TSC1: variants seen among roughly 807,000 people sequenced by gnomAD.
TSC1 encodes TSC complex subunit 1.
In TSC1, 20 loss-of-function variants were observed where a neutral mutation model predicts 124.3. The observed-to-expected ratio is 0.16, with a 90% CI of 0.11 to 0.23. The LOEUF (loss-of-function observed/expected upper bound fraction) is 0.23. TSC1 is among the 10% of genes least tolerant of loss of function. The pLI, the probability that TSC1 is intolerant of heterozygous loss-of-function variation, is 1.00. For synonymous variants in TSC1, 493 were observed against 539.1 expected (o/e 0.91, Z 1.19); for missense variants, 1,124 against 1,448.5 (o/e 0.78, Z 3.64).
chr9:132,935,139 G>A, intron 1 of TSC1, 44 bp from the exon 2 acceptor site: 1 of 398,880 alleles, frequency 2.5e-6, no homozygotes, highest in Non-Finnish European at 4.4e-6. Flanking sequence ...AATCCCAGAT[G>A]TAATCAAAAG....
At chr9:132,908,646 G>T (rs1845789475) in intron 12 of TSC1, among the ~76,000 whole-genome samples, 2 of 149,096 alleles carry the variant, frequency 1.3e-5, no homozygotes, top group South Asian at 4.3e-4. Context: ...ATGGGGTTTT[G>T]CATGTTGCCC....
rs147614350 is a variant in TSC1 at position 132,909,473 on chromosome 9, T to C, written c.1263+1098A>G. Among the ~76,000 whole-genome samples the C allele has an allele frequency of 7.3e-3, 1,115 of 152,360 alleles. 4 individuals are homozygous for C. The highest frequency in any genetic ancestry group is 0.027 in the Middle Eastern group (8 of 294). ...CCACCTGAGAGTTGACTTTTATTGT[T>C]GGCAACAAATACTGTCAGTTGTTTA... On this transcript the variant is annotated intron_variant, in intron 12 of 22. Coordinates refer to ENST00000298552, the MANE Select transcript of TSC1 (RefSeq NM_000368.5).
intron 9 of TSC1, 57 bp from the exon 10 acceptor site, chr9:132,911,625 TAAA>T (rs11364856): frequency 0.044 from 7,213 of 165,292 alleles, 2 homozygotes; most frequent in South Asian, 0.071. Context: ...TTATTCTGGT[TAAA>T]AAAAAAAAAA....
At chr9:132,913,145 T>A (rs1450819202) in intron 8 of TSC1, among the ~76,000 whole-genome samples, 1 of 152,174 alleles carries the variant, frequency 6.6e-6, no homozygotes, top group African/African-American at 2.4e-5. Flanking sequence ...TTGCTCATGC[T>A]GGTCTCGAAC....
chr9:132,899,812 T>C (rs1446337512), intron 20 of TSC1: 2 of 152,232 alleles, frequency 1.3e-5, no homozygotes, highest in Non-Finnish European at 2.9e-5. Flanking sequence ...TCTCAGGAGA[T>C]GGCCCAGGCA....
intron 12 of TSC1, 54 bp downstream of exon 12, chr9:132,910,517 T>C (rs1564487061): frequency 6.2e-7 from 1 of 1,613,552 alleles, no homozygotes. Context: ...AAGTGAGGCT[T>C]GCAAGTGAGT....
At chr9:132,931,230 T>C (rs1394539277) in intron 2 of TSC1, 1 of 152,222 alleles carries the variant, frequency 6.6e-6, no homozygotes, top group Non-Finnish European at 1.5e-5. Flanking sequence ...CTAGGGAGAC[T>C]CTGAGTTTGC....
Position 132,902,975 on chromosome 9 carries a change from A to C in TSC1, c.2209-188T>G, listed in dbSNP as rs892749318. On this transcript the variant is annotated intron_variant, in intron 17 of 22. Transcript: ENST00000298552. This position sits in a 1 kb window ranked among gnomAD's most constrained non-coding sequence, Gnocchi z 5.2. ...TCAAGGTTTTCCAAATTTTACATTA[A>C]GCAAATGGATCTTAAGTTGCTTAAA... 6.6e-6 allele frequency among the ~76,000 whole-genome samples: 1 copy of C among 152,228 alleles called. No homozygotes were observed. Among genetic ancestry groups the C allele is most frequent in the African/African-American group, 2.4e-5 (1 of 41,458 alleles).
rs1844890611 is a variant in TSC1 at position 132,893,804 on chromosome 9, C to T, written c.*2431G>A. On this transcript the variant is annotated 3_prime_UTR_variant, in exon 23 of 23. Transcript: ENST00000298552. ...ATTGTACTAATACCTTTGCCCAGGA[C>T]TGAATTGCCTCTCGAGAGTAATACT... 8.6e-6 allele frequency: 2 copies of T among 233,198 alleles called. No individual in the cohort carries two copies. The highest frequency in any genetic ancestry group is 2.2e-5 in the African/African-American group (1 of 45,346). 14.4% of individuals were successfully genotyped at this position (233,198 alleles called of 1,614,324 possible).
rs2132006240 is a variant in TSC1 at position 132,912,441 on chromosome 9, T to C, written c.754A>G (p.Thr252Ala). Residue 252 changes from threonine (T) to alanine (A), a missense_variant, in exon 9 of 23, where the codon ACT (threonine) becomes GCT (alanine). By Grantham distance (58) the Thr-to-Ala change is moderately conservative. Coordinates refer to ENST00000298552, the MANE Select transcript of TSC1 (RefSeq NM_000368.5). ...LDPRRWKRLE[T>A]HDVVIECAKI... Reference sequence around the variant, plus strand: ...GCACACTCGATCACAACATCATGAGTTTCTAATCTCTTCCACCTGTAAAAT... The same window carrying C: ...GCACACTCGATCACAACATCATGAGCTTCTAATCTCTTCCACCTGTAAAAT... The C allele has an allele frequency of 6.2e-7, 1 of 1,613,748 alleles. No individual in the cohort carries two copies. Among genetic ancestry groups the C allele is most frequent in the South Asian group, 1.1e-5 (1 of 91,070 alleles).
intron 1 of TSC1, chr9:132,943,810 C>CTT (rs1480347065): frequency 6.6e-6 from 1 of 152,236 alleles, no homozygotes; most frequent in South Asian, 2.1e-4. Context: ...AAGCAAAACT[C>CTT]TTTAACAGGA....
chr9:132,931,758 GCAGGTAAAA>G (rs1847215877), intron 2 of TSC1, among the ~76,000 whole-genome samples: 4 of 152,156 alleles, frequency 2.6e-5, no homozygotes, highest in Admixed American at 1.3e-4. Flanking sequence ...AAGGTGTTAA[GCAGGTAAAA>G]CAGATTTAGC....
Position 132,901,456 on chromosome 9 carries a change from G to A in TSC1, c.2502+133C>T. 2 of 843,352 alleles carry A rather than the reference G, an allele frequency of 2.4e-6. 1 individual carries two copies. The highest frequency in any genetic ancestry group is 2.7e-5 in the South Asian group (2 of 73,766). 52.2% of individuals were successfully genotyped at this position (843,352 alleles called of 1,614,324 possible). A position where few individuals can be genotyped will look rare whatever the true frequency, so the allele number is the denominator to read the frequency against. ...CATTGCCAAATGTCAGGGACTATGG[G>A]GGCAGCAGAACCACTTCCTGTTGGG... On this transcript the variant is annotated intron_variant, in intron 19 of 22. Transcript: ENST00000298552.
rs1039331029 is a variant in TSC1 at position 132,906,503 on chromosome 9, C to T, written c.1438+228G>A. 6 of 533,062 alleles carry T rather than the reference C, an allele frequency of 1.1e-5. No individual in the cohort carries two copies. Among genetic ancestry groups the T allele is most frequent in the African/African-American group, 7.8e-5 (4 of 51,212 alleles). The allele number at this position is 533,062 out of a possible 1,614,324, so 33.0% of individuals were successfully genotyped here. On this transcript the variant is annotated intron_variant, in intron 14 of 22. Transcript: ENST00000298552. This position sits in a 1 kb window ranked among gnomAD's most constrained non-coding sequence, Gnocchi z 4.1. Reference sequence around the variant, plus strand: ...GGTCAAGGCTGCAGTGAGCCATGATCGTACCACTGCACTCCAGCCAGGGTG... The same window carrying T: ...GGTCAAGGCTGCAGTGAGCCATGATTGTACCACTGCACTCCAGCCAGGGTG...
rs774980129 is a variant in TSC1, at chr9:132,896,334, G to A, written c.3396C>T (p.Pro1132=). 9 of 1,614,062 alleles carry A rather than the reference G, an allele frequency of 5.6e-6. No homozygotes were observed. In the African/African-American group the frequency reaches 6.7e-5, roughly 12 times the overall value. The change falls in exon 23 of 23, where the codon CCC becomes CCT. Residue 1132 remains proline, a synonymous_variant. Coordinates refer to ENST00000298552, the MANE Select transcript of TSC1 (RefSeq NM_000368.5). The surrounding 1 kb of genome is among the most constrained non-coding windows in gnomAD (Gnocchi z 4.5). ...GKDLGVEAKI[P]LNLDGPHPSP... ...ACGGGTGAGGGCCATCTAGGTTCAG[G>A]GGAATCTTGGCTTCCACACCCAAGT... is the stretch of plus-strand genomic sequence containing the variant.
chr9:132,936,369 G>A (rs1847459167), intron 1 of TSC1, among the ~76,000 whole-genome samples: 1 of 152,114 alleles, frequency 6.6e-6, no homozygotes, highest in Non-Finnish European at 1.5e-5. Context: ...CTCCCACCAA[G>A]GCCTCCCAAG....
In TSC1 at chr9:132,897,615, A is replaced by G. The variant is rs1444272064; in HGVS notation, c.2626-5T>C. 4 of 1,046,388 alleles carry G rather than the reference A, an allele frequency of 3.8e-6. No individual in the cohort carries two copies. Among genetic ancestry groups the G allele is most frequent in the African/African-American group, 1.9e-5 (1 of 52,782 alleles). 64.8% of individuals were successfully genotyped at this position (1,046,388 alleles called of 1,614,324 possible). Reference sequence around the variant, plus strand: ...GGCTTTCATCATTTCTACTTCCTGAAAAAAAAAAAAAAAAAAGACTGGAAT... The same window carrying G: ...GGCTTTCATCATTTCTACTTCCTGAGAAAAAAAAAAAAAAAAGACTGGAAT... On this transcript the variant is annotated splice_region_variant and splice_polypyrimidine_tract_variant and intron_variant, in intron 20 of 22. Coordinates refer to ENST00000298552, the MANE Select transcript of TSC1 (RefSeq NM_000368.5).
At position 132,905,899 on chromosome 9, in the gene TSC1, C is replaced by T. The variant is rs1395737285; in HGVS notation, c.1679G>A (p.Gly560Asp). 1.2e-6 allele frequency: 2 copies of T among 1,612,182 alleles called. No individual in the cohort carries two copies. The highest frequency in any genetic ancestry group is 8.5e-7 in the Non-Finnish European group (1 of 1,178,448). Residue 560 changes from glycine (G) to aspartate (D), a missense_variant, in exon 15 of 23, where the codon GGC (glycine) becomes GAC (aspartate). Gly to Asp is a moderately conservative substitution (Grantham distance 94, BLOSUM62 -1). Transcript: ENST00000298552. ...TCCCGCAGGGCTTTCATCAGCACTG[C>T]CGCAGGGCAGGTCTATGGGAGTAAA... is the stretch of plus-strand genomic sequence containing the variant. The part of the protein sequence containing the change: ...QAFTPIDLPC[G>D]SADESPAGDR...
rs1846691534 is a variant in TSC1 at position 132,923,623 on chromosome 9, C to T, written c.364-131G>A. On this transcript the variant is annotated intron_variant, in intron 5 of 22. Coordinates refer to ENST00000298552, the MANE Select transcript of TSC1 (RefSeq NM_000368.5). This position sits in a 1 kb window ranked among gnomAD's most constrained non-coding sequence, Gnocchi z 4.2. Reference sequence around the variant, plus strand: ...ACAAGTTGACTCACGTACTCATTTCCCTATCCCTAAGGATTACTGAAGGGA... The same window carrying T: ...ACAAGTTGACTCACGTACTCATTTCTCTATCCCTAAGGATTACTGAAGGGA... 2.3e-6 allele frequency: 3 copies of T among 1,287,752 alleles called. No individual in the cohort carries two copies. The highest frequency in any genetic ancestry group is 3.7e-5 in the Admixed American group (2 of 53,976). The allele number at this position is 1,287,752 out of a possible 1,614,324, so 79.8% of individuals were successfully genotyped here.
Sources: allele counts gnomAD v4.1 joint callset (sites outside exome capture counted in the v4.1 genomes callset), GRCh38; gene constraint gnomAD v4.1.1; non-coding constraint Gnocchi (gnomAD v3.1); transcripts MANE v1.5; gene names NCBI Gene and HGNC (gene_info 2026-07-23, HGNC 2026-07-21).